CIMIP6: variants seen among roughly 807,000 people sequenced by gnomAD.
The protein encoded by CIMIP6 is ciliary microtubule inner protein 6.
chr2:54,380,987 G>C, the CIMIP6 span, among the ~76,000 whole-genome samples: 1 of 152,074 alleles, frequency 6.6e-6, no homozygotes, highest in African/African-American at 2.4e-5. Flanking sequence ...TTCTCCACTG[G>C]GTTTTGTGGC....
the CIMIP6 span, among the ~76,000 whole-genome samples, chr2:54,373,493 C>T: frequency 6.6e-6 from 1 of 152,154 alleles, no homozygotes. Flanking sequence ...TGCAACACTT[C>T]CTGTCTCTAT....
At chr2:54,335,054 G>C in the CIMIP6 span, 1 of 1,518,524 alleles carries the variant, frequency 6.6e-7, no homozygotes, top group Non-Finnish European at 8.9e-7. Context: ...TATACAAATA[G>C]AGATTTAGAT....
At chr2:54,356,443 C>T in the CIMIP6 span, among the ~76,000 whole-genome samples, 3 of 152,162 alleles carry the variant, frequency 2.0e-5, no homozygotes, top group Non-Finnish European at 4.4e-5. Context: ...ACAACTTATT[C>T]TTCTTGGCTA....
the CIMIP6 span, among the ~76,000 whole-genome samples, chr2:54,380,560 T>C: frequency 6.6e-6 from 1 of 152,224 alleles, no homozygotes; most frequent in Non-Finnish European, 1.5e-5. Context: ...ACAGTTCATT[T>C]GGCACAAGAG....
At chr2:54,371,228 G>C in the CIMIP6 span, among the ~76,000 whole-genome samples, 2 of 152,212 alleles carry the variant, frequency 1.3e-5, no homozygotes, top group African/African-American at 4.8e-5. Flanking sequence ...CCCCACATGG[G>C]AAGATGGGGA....
the CIMIP6 span, chr2:54,381,835 C>G: frequency 6.5e-7 from 1 of 1,527,146 alleles, no homozygotes; most frequent in African/African-American, 1.4e-5. Context: ...GTGTTCTTGT[C>G]TTCCTTCCAG....
At chr2:54,353,200 C>CA in the CIMIP6 span, among the ~76,000 whole-genome samples, 1 of 152,168 alleles carries the variant, frequency 6.6e-6, no homozygotes, top group Non-Finnish European at 1.5e-5. Context: ...ATAGCATATA[C>CA]ATTTCCAGTT....
At chr2:54,345,793 G>A in the CIMIP6 span, among the ~76,000 whole-genome samples, 131 of 152,250 alleles carry the variant, frequency 8.6e-4, no homozygotes, top group Middle Eastern at 3.4e-3. Context: ...TAAGTGTGAA[G>A]GGGAAAAATA....
the CIMIP6 span, among the ~76,000 whole-genome samples, chr2:54,344,885 T>C: frequency 9.9e-5 from 15 of 152,140 alleles, no homozygotes; most frequent in African/African-American, 3.4e-4. Flanking sequence ...ATCCAACTTT[T>C]CTGGAGCTCC....
At chr2:54,342,347 C>T in the CIMIP6 span, among the ~76,000 whole-genome samples, 1 of 152,120 alleles carries the variant, frequency 6.6e-6, no homozygotes, top group African/African-American at 2.4e-5. Context: ...CAAAAGATAA[C>T]CTTTTTTGGG....
chr2:54,367,889 C>CT, the CIMIP6 span, among the ~76,000 whole-genome samples: 15 of 152,162 alleles, frequency 9.9e-5, no homozygotes, highest in African/African-American at 3.6e-4. Context: ...TCAAATTACT[C>CT]TGTAAACTTT....
At chr2:54,375,906 G>T in the CIMIP6 span, among the ~76,000 whole-genome samples, 9 of 151,890 alleles carry the variant, frequency 5.9e-5, no homozygotes, top group African/African-American at 1.9e-4. Context: ...GTGTGTGTGT[G>T]ACGTTTTGGA....
At chr2:54,373,409 C>CCCCT in the CIMIP6 span, among the ~76,000 whole-genome samples, 1 of 152,062 alleles carries the variant, frequency 6.6e-6, no homozygotes, top group African/African-American at 2.4e-5. Context: ...TCAGAAGCTC[C>CCCCT]CCCTCCAACC....
the CIMIP6 span, among the ~76,000 whole-genome samples, chr2:54,347,975 A>T: frequency 6.6e-6 from 1 of 151,832 alleles, no homozygotes; most frequent in Non-Finnish European, 1.5e-5. Context: ...TAAAATCTTC[A>T]CTCTTATTTA....
the CIMIP6 span, among the ~76,000 whole-genome samples, chr2:54,348,435 T>A: frequency 6.6e-6 from 1 of 152,168 alleles, no homozygotes; most frequent in Admixed American, 6.5e-5. Flanking sequence ...TCTCTGTTCT[T>A]TTGTTGGTAT....
the CIMIP6 span, among the ~76,000 whole-genome samples, chr2:54,380,614 C>G: frequency 6.6e-6 from 1 of 152,188 alleles, no homozygotes; most frequent in Non-Finnish European, 1.5e-5. Context: ...ATCTACCTGT[C>G]GACATTACAG....
the CIMIP6 span, among the ~76,000 whole-genome samples, chr2:54,353,587 T>C: frequency 6.6e-6 from 1 of 152,096 alleles, no homozygotes; most frequent in Non-Finnish European, 1.5e-5. Context: ...CAAACTTGCT[T>C]TTATTATGAA....
chr2:54,349,729 T>C, the CIMIP6 span, among the ~76,000 whole-genome samples: 1 of 152,244 alleles, frequency 6.6e-6, no homozygotes, highest in Non-Finnish European at 1.5e-5. Flanking sequence ...CATATGCCTG[T>C]ATAAATGAAC....
At chr2:54,342,280 T>C in the CIMIP6 span, among the ~76,000 whole-genome samples, 1 of 152,210 alleles carries the variant, frequency 6.6e-6, no homozygotes, top group Non-Finnish European at 1.5e-5. Context: ...TCAAGTTGAA[T>C]GAATAGTTCT....
Sources: gnomAD v4.1 joint callset for allele counts (sites outside exome capture counted in the v4.1 genomes callset) on GRCh38, gnomAD v4.1.1 for gene constraint, MANE v1.5 for transcripts, NCBI Gene and HGNC (gene_info 2026-07-23, HGNC 2026-07-21) for gene names.